The following CREB5 variants were observed in gnomAD, a reference collection of about 807,000 sequenced individuals.
CREB5 encodes cAMP responsive element binding protein 5.
CREB5 carries 19 observed loss-of-function variants against 57.1 expected under a neutral mutation model. The observed-to-expected ratio is 0.33, with a 90% CI of 0.23 to 0.49. CREB5 has a LOEUF of 0.49. Ranked by LOEUF, CREB5 falls within the 20% of genes least tolerant of loss-of-function variation. CREB5 has a pLI of 0.99. For missense variants in CREB5, 579 were observed against 671.6 expected (o/e 0.86, Z 1.52); for synonymous variants, 238 against 238.3 (o/e 1.00, Z 0.01).
At chr7:28,331,829 A>G (rs1160012212) in intron 1 of CREB5, among the ~76,000 whole-genome samples, 6 of 148,528 alleles carry the variant, frequency 4.0e-5, no homozygotes, top group African/African-American at 1.5e-4. Flanking sequence ...AGCCTGGGTG[A>G]CAGAGCAAAA....
intron 5 of CREB5, among the ~76,000 whole-genome samples, chr7:28,669,280 A>G (rs1161171901): frequency 6.6e-6 from 1 of 152,260 alleles, no homozygotes; most frequent in East Asian, 1.9e-4. Context: ...ATGCTAAAAT[A>G]TAGGATGTGA....
chr7:28,598,664 C>G (rs1306268914), intron 5 of CREB5, among the ~76,000 whole-genome samples: 1 of 152,134 alleles, frequency 6.6e-6, no homozygotes, highest in Non-Finnish European at 1.5e-5. Context: ...TCTTGTGTGC[C>G]AAACTCCATC....
intron 1 of CREB5, among the ~76,000 whole-genome samples, chr7:28,312,156 T>C (rs1785290937): frequency 6.6e-6 from 1 of 151,644 alleles, no homozygotes; most frequent in South Asian, 2.1e-4. Context: ...TTAATTTCAT[T>C]TCATTTTAGT....
chr7:28,815,789 G>T (rs949424290), intron 9 of CREB5, among the ~76,000 whole-genome samples: 6 of 152,128 alleles, frequency 3.9e-5, no homozygotes, highest in African/African-American at 1.4e-4. Context: ...ACAGGCAGGG[G>T]TGTTTTTTCT....
At chr7:28,492,337 TTTG>T (rs1791842119) in intron 2 of CREB5, among the ~76,000 whole-genome samples, 1 of 152,196 alleles carries the variant, frequency 6.6e-6, no homozygotes, top group South Asian at 2.1e-4. Context: ...CGACATTATC[TTTG>T]TCTCAGAAGG....
In CREB5 at chr7:28,718,986, G is replaced by T. The variant is rs1320979313; in HGVS notation, c.591+107G>T. 3.3e-6 allele frequency: 5 copies of T among 1,530,918 alleles called. No individual in the cohort carries two copies. In the South Asian group the frequency reaches 3.7e-5, roughly 11 times the overall value. 94.8% of individuals were successfully genotyped at this position (1,530,918 alleles called of 1,614,324 possible). A position where few individuals can be genotyped will look rare whatever the true frequency, so the allele number is the denominator to read the frequency against. On this transcript the variant is annotated intron_variant, in intron 6 of 10. Coordinates refer to ENST00000357727, the MANE Select transcript of CREB5 (RefSeq NM_182898.4). Reference sequence around the variant, plus strand: ...GATCCAAGCTGATGGGAAAGAAGGCGACTGCTTCTGAATGGAGGGTTGAGC... The same window carrying T: ...GATCCAAGCTGATGGGAAAGAAGGCTACTGCTTCTGAATGGAGGGTTGAGC...
intron 5 of CREB5, among the ~76,000 whole-genome samples, chr7:28,674,915 C>T (rs1255667035): frequency 3.3e-5 from 5 of 152,232 alleles, no homozygotes; most frequent in Non-Finnish European, 5.9e-5. Flanking sequence ...AATACTCCAC[C>T]TACCTCTCCC....
At chr7:28,546,471 T>C (rs937257112) in intron 4 of CREB5, among the ~76,000 whole-genome samples, 3 of 152,140 alleles carry the variant, frequency 2.0e-5, no homozygotes, top group African/African-American at 7.2e-5. Flanking sequence ...CTCCAGATTG[T>C]TTTCTGTTTT....
At chr7:28,452,098 G>A (rs1376767161) in intron 1 of CREB5, among the ~76,000 whole-genome samples, 2 of 152,180 alleles carry the variant, frequency 1.3e-5, no homozygotes, top group African/African-American at 4.8e-5. Flanking sequence ...TTAGACTGGC[G>A]ATTTCTTTCT....
chr7:28,419,886 C>T (rs917932237), intron 1 of CREB5, among the ~76,000 whole-genome samples: 3 of 152,150 alleles, frequency 2.0e-5, no homozygotes, highest in Non-Finnish European at 4.4e-5. Flanking sequence ...TTTGCAAAAT[C>T]GGATGACTAA....
intron 4 of CREB5, among the ~76,000 whole-genome samples, chr7:28,566,658 A>T (rs160350): frequency 0.9 from 137,030 of 152,098 alleles, 61,934 homozygotes; most frequent in African/African-American, 0.97. Context: ...TACTATGTAA[A>T]GCTTAAAGAA....
chr7:28,410,208 A>G (rs1174096924), upstream of CREB5: 1 of 452,704 alleles, frequency 2.2e-6, no homozygotes. Context: ...CTTTCGCTCC[A>G]GGCGCTCCGG....
chr7:28,743,953 A>T (rs1420452399), intron 7 of CREB5, among the ~76,000 whole-genome samples: 3 of 126,384 alleles, frequency 2.4e-5, no homozygotes, highest in African/African-American at 9.1e-5. Flanking sequence ...GCACCCACTA[A>T]TGTGTCATCT....
chr7:28,670,500 T>C (rs1201941602), intron 5 of CREB5, among the ~76,000 whole-genome samples: 1 of 152,226 alleles, frequency 6.6e-6, no homozygotes. Context: ...GTTTCCATCA[T>C]TAGGAATGTT....
At chr7:28,804,074 A>G in intron 7 of CREB5, 125 bp from the exon 8 acceptor site, 1 of 830,682 alleles carries the variant, frequency 1.2e-6, no homozygotes, top group Non-Finnish European at 1.9e-6. Flanking sequence ...AGCTACTGGT[A>G]GGAAACATTA....
chr7:28,593,342 G>C (rs535935332), intron 5 of CREB5, among the ~76,000 whole-genome samples: 1 of 152,282 alleles, frequency 6.6e-6, no homozygotes, highest in South Asian at 2.1e-4. Context: ...TCCACCTCCT[G>C]GGTTCAAGCG....
chr7:28,311,690 G>C (rs1008788397), intron 1 of CREB5, among the ~76,000 whole-genome samples: 2 of 152,318 alleles, frequency 1.3e-5, no homozygotes, highest in African/African-American at 4.8e-5. Flanking sequence ...GGAGCCCTGG[G>C]CGCTGGTCCT....
chr7:28,316,659 T>G (rs964545320), intron 1 of CREB5, among the ~76,000 whole-genome samples: 5 of 152,132 alleles, frequency 3.3e-5, no homozygotes, highest in African/African-American at 4.8e-5. Context: ...AGAGATTTAC[T>G]CAACTAGGGC....
At chr7:28,392,292 A>T (rs1787233839) in intron 1 of CREB5, among the ~76,000 whole-genome samples, 1 of 152,170 alleles carries the variant, frequency 6.6e-6, no homozygotes, top group Admixed American at 6.5e-5. Flanking sequence ...TAAAAAAATA[A>T]AGAAAAATTT....
Sources: allele counts gnomAD v4.1 joint callset (sites outside exome capture counted in the v4.1 genomes callset), GRCh38; gene constraint gnomAD v4.1.1; transcripts MANE v1.5; gene names NCBI Gene and HGNC (gene_info 2026-07-23, HGNC 2026-07-21).